Variants in TP53INP1 observed in about 807,000 individuals in gnomAD.
TP53INP1 encodes the protein tumor protein p53 inducible nuclear protein 1.
In TP53INP1, 12 loss-of-function variants were observed where a neutral mutation model predicts 21.0. The observed-to-expected ratio is 0.57, with a 90% CI of 0.37 to 0.93. The LOEUF is 0.93. Among genes scored for constraint, TP53INP1 ranks in the 40% least tolerant of loss-of-function variants. The probability of loss-of-function intolerance (pLI) is 0.01; values close to 1 mark genes in which losing one functional copy is unlikely to be tolerated. For synonymous variants in TP53INP1, 91 were observed against 94.8 expected (o/e 0.96, Z 0.23); for missense variants, 274 against 294.7 (o/e 0.93, Z 0.51).
intron 3 of TP53INP1, chr8:94,939,618 G>T: frequency 2.1e-6 from 1 of 476,584 alleles, no homozygotes. Flanking sequence ...GGGTGGTCTT[G>T]AACTCCTGAG....
chr8:94,931,898 G>A (rs1048683625), intron 3 of TP53INP1, among the ~76,000 whole-genome samples: 2 of 152,114 alleles, frequency 1.3e-5, no homozygotes, highest in Non-Finnish European at 2.9e-5. Flanking sequence ...CTTGAATCTG[G>A]GGGGTGGAGG....
intron 1 of TP53INP1, among the ~76,000 whole-genome samples, chr8:94,947,742 T>C (rs771782192): frequency 7.9e-5 from 12 of 152,340 alleles, no homozygotes; most frequent in South Asian, 2.1e-4. Flanking sequence ...CATAGCCTGA[T>C]AATCTTGAAT....
In TP53INP1 at chr8:94,940,124, G is replaced by A. The variant is rs779919334; in HGVS notation, c.209C>T (p.Pro70Leu). The A allele has an allele frequency of 1.3e-4, 204 of 1,614,000 alleles. No individual in the cohort carries two copies. Among genetic ancestry groups the A allele is most frequent in the African/African-American group, 2.3e-4 (17 of 74,904 alleles). The part of the protein sequence containing the change: ...TEHPSVFSCL[P>L]ASLECLADTS... ...ATCAGCCAAGCACTCAAGAGATGCC[G>A]GTAAACAGGAAAAGACTGAAGGGTG... is the stretch of plus-strand genomic sequence containing the variant. The change falls in exon 3 of 4, where the codon CCG becomes CTG. Residue 70 changes from proline (P) to leucine (L), a missense_variant. Transcript: ENST00000342697.
In TP53INP1 at chr8:94,940,927, C is replaced by G; in HGVS notation, c.15G>C (p.Leu5=). The change falls in exon 2 of 4, where the codon CTG becomes CTC. Residue 5 remains leucine (L), a synonymous_variant. Transcript: ENST00000342697. MFQR[L]NKMFVGEVSS... ...TGACTTCACCCACAAACATTTTATT[C>G]AGCCTCTGGAACATTGTTAAGGCAA... 2 of 1,613,614 alleles carry G rather than the reference C, an allele frequency of 1.2e-6. No individual in the cohort carries two copies. Among genetic ancestry groups the G allele is most frequent in the South Asian group, 2.2e-5 (2 of 91,000 alleles).
At chr8:94,942,197 C>T (rs1057470896) in intron 1 of TP53INP1, among the ~76,000 whole-genome samples, 1 of 152,018 alleles carries the variant, frequency 6.6e-6, no homozygotes. Flanking sequence ...CCACCACATC[C>T]GGCTAATTTC....
At chr8:94,935,696 T>G (rs765732353) in intron 3 of TP53INP1, among the ~76,000 whole-genome samples, 1 of 152,202 alleles carries the variant, frequency 6.6e-6, no homozygotes, top group South Asian at 2.1e-4. Context: ...TACTGTGGTA[T>G]CAAGATCTAT....
chr8:94,940,744 T>G, intron 2 of TP53INP1, 86 bp downstream of exon 2: 1 of 977,554 alleles, frequency 1.0e-6, no homozygotes, highest in Non-Finnish European at 1.6e-6. Context: ...AACCCCTCAG[T>G]TATTGGTTTC....
chr8:94,932,252 G>A (rs886169522), intron 3 of TP53INP1: 12 of 803,926 alleles, frequency 1.5e-5, no homozygotes, highest in Non-Finnish European at 2.4e-5. Flanking sequence ...AAGATAACAT[G>A]TAAAACCTTC....
chr8:94,930,974 T>C (rs1820336921), intron 3 of TP53INP1, among the ~76,000 whole-genome samples: 3 of 152,224 alleles, frequency 2.0e-5, no homozygotes, highest in Non-Finnish European at 2.9e-5. Flanking sequence ...GTAGACTGTT[T>C]TCTAAAAATA....
At chr8:94,932,952 C>G (rs915123191) in intron 3 of TP53INP1, among the ~76,000 whole-genome samples, 4 of 152,296 alleles carry the variant, frequency 2.6e-5, no homozygotes, top group Middle Eastern at 3.4e-3. Context: ...CACAATGGCT[C>G]ATGACTGTAA....
At chr8:94,935,128 T>TATATATAGATAGATAGATAGATAG (rs1554630990) in intron 3 of TP53INP1, among the ~76,000 whole-genome samples, 1 of 144,640 alleles carries the variant, frequency 6.9e-6, no homozygotes, top group Non-Finnish European at 1.5e-5. Flanking sequence ...GGTAGATAGA[T>TATATATAGATAGATAGATAGATAG]ATAGATAGAT....
At chr8:94,942,869 A>C (rs3019180) in intron 1 of TP53INP1, among the ~76,000 whole-genome samples, 86 of 152,314 alleles carry the variant, frequency 5.6e-4, no homozygotes, top group Non-Finnish European at 1.1e-3. Flanking sequence ...AGGGAGGGTC[A>C]CAATAGCAGG....
intron 3 of TP53INP1, among the ~76,000 whole-genome samples, chr8:94,933,129 A>T (rs1196601505): frequency 6.6e-6 from 1 of 151,892 alleles, no homozygotes; most frequent in East Asian, 1.9e-4. Context: ...AAGGCAGGAG[A>T]ATCACTTGAA....
At chr8:94,939,782 A>C (rs1821342986) in intron 3 of TP53INP1, 78 bp downstream of exon 3, 1 of 1,547,520 alleles carries the variant, frequency 6.5e-7, no homozygotes, top group African/African-American at 1.4e-5. Flanking sequence ...TCTTCTAATA[A>C]CTTAGCTTTG....
In TP53INP1 at chr8:94,925,986, A is replaced by C. The variant is rs1300289345; in HGVS notation, c.*4493T>G. 2 of 152,686 alleles carry C rather than the reference A, an allele frequency of 1.3e-5. No homozygotes were observed. The highest frequency in any genetic ancestry group is 4.8e-5 in the African/African-American group (2 of 41,470). The allele number at this position is 152,686 out of a possible 1,614,324, so 9.5% of individuals were successfully genotyped here. ...TCTGACAAGTGTGAAGTTAAAGGAC[A>C]CTTTATTTACTGACAGATTGAAAAC... is the stretch of plus-strand genomic sequence containing the variant. On this transcript the variant is annotated 3_prime_UTR_variant, in exon 4 of 4. Coordinates refer to ENST00000342697, the MANE Select transcript of TP53INP1 (RefSeq NM_033285.4).
At chr8:94,933,552 G>A (rs545373875) in intron 3 of TP53INP1, among the ~76,000 whole-genome samples, 8 of 152,230 alleles carry the variant, frequency 5.3e-5, no homozygotes, top group African/African-American at 1.9e-4. Flanking sequence ...CTCACCTGAA[G>A]TCAGGAGTTT....
chr8:94,933,707 G>C (rs1229884571), intron 3 of TP53INP1, among the ~76,000 whole-genome samples: 1 of 151,946 alleles, frequency 6.6e-6, no homozygotes, highest in East Asian at 1.9e-4. Context: ...AGAGGTTGCA[G>C]TGAGCTGAGA....
intron 3 of TP53INP1, among the ~76,000 whole-genome samples, chr8:94,937,311 G>T (rs1017568729): frequency 6.6e-6 from 1 of 151,870 alleles, no homozygotes; most frequent in Non-Finnish European, 1.5e-5. Flanking sequence ...TATGGTGGCG[G>T]GCGCCTGTAA....
At position 94,930,538 on chromosome 8, in the gene TP53INP1, G is replaced by A; in HGVS notation, c.664C>T (p.Gln222Ter). The change falls in exon 4 of 4, where the codon CAA becomes TAA. Residue 222 changes from glutamine (Q) to a stop codon, truncating the protein, a stop_gained. Coordinates refer to ENST00000342697, the MANE Select transcript of TP53INP1 (RefSeq NM_033285.4). LOFTEE classifies it high-confidence loss of function. Reference protein sequence around the residue: ...QNLTRDCHPRQVKHNGWVVHQ... With the variant: ...QNLTRDCHPR ...ACAACCCAGCCATTGTGCTTGACTT[G>A]CCGAGGGTGGCAATCCCTGGTAAGA... is the stretch of plus-strand genomic sequence containing the variant. 1.9e-6 allele frequency: 3 copies of A among 1,614,210 alleles called. No individual in the cohort carries two copies. Among genetic ancestry groups the A allele is most frequent in the Non-Finnish European group, 2.5e-6 (3 of 1,180,040 alleles).
Sources: gnomAD v4.1 joint callset for allele counts (sites outside exome capture counted in the v4.1 genomes callset) on GRCh38, gnomAD v4.1.1 for gene constraint, MANE v1.5 for transcripts, NCBI Gene and HGNC (gene_info 2026-07-23, HGNC 2026-07-21) for gene names.